The following DGLUCY variants were observed in gnomAD, a reference collection of about 807,000 sequenced individuals.
DGLUCY encodes D-glutamate cyclase.
A neutral mutation model predicts 58.5 loss-of-function variants in DGLUCY; 58 were observed. That is an observed-to-expected ratio of 0.99 (90% CI 0.80 to 1.23). DGLUCY has a LOEUF of 1.23. DGLUCY is among the 50% of genes most tolerant of loss of function. The probability of loss-of-function intolerance (pLI) is 0.00; values close to 1 mark genes in which losing one functional copy is unlikely to be tolerated. For missense variants in DGLUCY, 779 were observed against 784.7 expected, an observed-to-expected ratio of 0.99 and a Z score of 0.09; for synonymous variants, 325 against 314.1, an observed-to-expected ratio of 1.03 and a Z score of -0.37.
chr14:91,184,614 T>C (rs1595866044), intron 8 of DGLUCY, among the ~76,000 whole-genome samples: 1 of 71,490 alleles, frequency 1.4e-5, no homozygotes, highest in African/African-American at 6.4e-5. Flanking sequence ...AGTCTGATTC[T>C]GGAAGGAAGG....
chr14:91,177,367 T>C (rs181996773), intron 7 of DGLUCY, among the ~76,000 whole-genome samples: 1 of 152,352 alleles, frequency 6.6e-6, no homozygotes, highest in East Asian at 1.9e-4. Context: ...GACTAACCTT[T>C]AGCTTGGCTT....
At chr14:91,157,112 T>TGGGG (rs2047671791) in intron 1 of DGLUCY, among the ~76,000 whole-genome samples, 1 of 130,302 alleles carries the variant, frequency 7.7e-6, no homozygotes, top group African/African-American at 3.3e-5. Flanking sequence ...GATGGATGGA[T>TGGGG]GGATGGGTGG....
chr14:91,130,862 A>G (rs918506762), intron 1 of DGLUCY, among the ~76,000 whole-genome samples: 4 of 151,442 alleles, frequency 2.6e-5, no homozygotes, highest in African/African-American at 4.9e-5. Context: ...CTTTCTCCCC[A>G]TTTTTTTAAT....
chr14:91,118,670 TG>T (rs1344258392), intron 1 of DGLUCY, among the ~76,000 whole-genome samples: 3 of 152,126 alleles, frequency 2.0e-5, no homozygotes, highest in Non-Finnish European at 2.9e-5. Flanking sequence ...TCCCAAGTGG[TG>T]GGGGATAATG....
chr14:91,222,966 T>C (rs760248510), intron 13 of DGLUCY, among the ~76,000 whole-genome samples: 1 of 152,154 alleles, frequency 6.6e-6, no homozygotes, highest in Non-Finnish European at 1.5e-5. Flanking sequence ...AGAGCTCTGG[T>C]TTCTCTTTTT....
At chr14:91,130,293 ATCTTT>A (rs1158684764) in intron 1 of DGLUCY, among the ~76,000 whole-genome samples, 9 of 149,856 alleles carry the variant, frequency 6.0e-5, no homozygotes, top group African/African-American at 1.5e-4. Flanking sequence ...GAAGTGAAGA[ATCTTT>A]TCTTTTCTTT....
At chr14:91,100,996 G>T (rs376273397) in intron 1 of DGLUCY, among the ~76,000 whole-genome samples, 52 of 152,122 alleles carry the variant, frequency 3.4e-4, no homozygotes, top group African/African-American at 1.2e-3. Flanking sequence ...TCTTGAACTC[G>T]TGAGGCAGAG....
chr14:91,149,509 A>G (rs2047197920), intron 1 of DGLUCY, among the ~76,000 whole-genome samples: 2 of 152,212 alleles, frequency 1.3e-5, no homozygotes, highest in South Asian at 2.1e-4. Context: ...GTAGCTAAAC[A>G]TCCTTAAAGG....
chr14:91,163,153 G>A (rs1327734945), intron 3 of DGLUCY, among the ~76,000 whole-genome samples: 5 of 151,954 alleles, frequency 3.3e-5, no homozygotes, highest in African/African-American at 9.7e-5. Context: ...CCAGCTACTC[G>A]GGAGGCTGAG....
At chr14:91,137,552 ATTTT>A (rs55763052) in intron 1 of DGLUCY, among the ~76,000 whole-genome samples, 1 of 139,772 alleles carries the variant, frequency 7.2e-6, no homozygotes, top group Non-Finnish European at 1.6e-5. Flanking sequence ...CGCCTGGCTA[ATTTT>A]TTTTTTTTTT....
chr14:91,189,580 G>A (rs115751939), intron 9 of DGLUCY, among the ~76,000 whole-genome samples: 1,724 of 152,316 alleles, frequency 0.011, 29 homozygotes, highest in African/African-American at 0.038. Context: ...GGGCAGGGCT[G>A]CACCTGGAGC....
rs780852069 is a variant in DGLUCY at position 91,196,361 on chromosome 14, C to G, written c.1196-14C>G. 12 of 1,611,834 alleles carry G rather than the reference C, an allele frequency of 7.4e-6. No homozygotes were observed. Among genetic ancestry groups the G allele is most frequent in the Non-Finnish European group, 8.5e-6 (10 of 1,178,040 alleles). ...CTAGAGCTGATGTGTGCCCTGCTTGCCTTTATTTTCAAGGTGTTCTGAAGA... is the reference window on the plus strand; with the variant it reads ...CTAGAGCTGATGTGTGCCCTGCTTGGCTTTATTTTCAAGGTGTTCTGAAGA... On this transcript the variant is annotated splice_polypyrimidine_tract_variant and intron_variant, in intron 9 of 13. Transcript: ENST00000256324.
chr14:91,117,479 A>G (rs1308154650), intron 1 of DGLUCY, among the ~76,000 whole-genome samples: 2 of 152,062 alleles, frequency 1.3e-5, no homozygotes, highest in Non-Finnish European at 2.9e-5. Context: ...TGGTTTGGCC[A>G]CTCAATACCT....
chr14:91,126,835 T>C (rs1006516472), intron 1 of DGLUCY, among the ~76,000 whole-genome samples: 2 of 152,090 alleles, frequency 1.3e-5, no homozygotes, highest in South Asian at 2.1e-4. Context: ...GGGGTGAGGG[T>C]TGGGACTTGG....
At chr14:91,178,514 C>T (rs900141581) in intron 7 of DGLUCY, among the ~76,000 whole-genome samples, 6 of 152,126 alleles carry the variant, frequency 3.9e-5, no homozygotes, top group African/African-American at 1.4e-4. Context: ...TGCAACAGAC[C>T]TCACAACTGA....
chr14:91,068,345 G>A (rs529188604), intron 1 of DGLUCY, among the ~76,000 whole-genome samples: 35 of 152,256 alleles, frequency 2.3e-4, no homozygotes, highest in African/African-American at 6.7e-4. Flanking sequence ...AGAGGGATGC[G>A]CATCACATAT....
At chr14:91,111,998 G>A (rs969710304), upstream of DGLUCY, among the ~76,000 whole-genome samples, 1 of 152,130 alleles carries the variant, frequency 6.6e-6, no homozygotes, top group Non-Finnish European at 1.5e-5. Flanking sequence ...AGCACTTGGG[G>A]AGGCTGAGGC....
At chr14:91,198,581 A>C (rs991024131) in intron 10 of DGLUCY, among the ~76,000 whole-genome samples, 3 of 152,124 alleles carry the variant, frequency 2.0e-5, no homozygotes, top group African/African-American at 4.8e-5. Context: ...TCCTGGGCTC[A>C]AGTGATCTGC....
intron 1 of DGLUCY, among the ~76,000 whole-genome samples, chr14:91,084,505 C>A (rs1323867544): frequency 6.6e-6 from 1 of 151,910 alleles, no homozygotes; most frequent in Non-Finnish European, 1.5e-5. Flanking sequence ...ACGCCCAGCC[C>A]ATCTGTCTCT....
Sources: gnomAD v4.1 joint callset for allele counts (sites outside exome capture counted in the v4.1 genomes callset) on GRCh38, gnomAD v4.1.1 for gene constraint, MANE v1.5 for transcripts, NCBI Gene and HGNC (gene_info 2026-07-23, HGNC 2026-07-21) for gene names.